Variants in SPAG16 observed in about 807,000 individuals in gnomAD.
SPAG16 encodes sperm associated antigen 16.
Under a neutral mutation model 80.4 loss-of-function variants are expected in SPAG16, and 86 were observed. That is an observed-to-expected ratio of 1.07 (90% CI 0.90 to 1.28). The LOEUF (loss-of-function observed/expected upper bound fraction) is 1.28. SPAG16 is among the 50% of genes most tolerant of loss of function. The pLI is 0.00. For synonymous variants in SPAG16, 294 were observed against 265.9 expected (o/e 1.11, Z -1.03); for missense variants, 870 against 765.3 (o/e 1.14, Z -1.61).
At chr2:213,509,051 C>T (rs2075111047) in intron 10 of SPAG16, among the ~76,000 whole-genome samples, 1 of 151,268 alleles carries the variant, frequency 6.6e-6, no homozygotes, top group African/African-American at 2.4e-5. Context: ...GGCTGGAGTG[C>T]AGTGATGCAA....
At chr2:213,891,284 A>G (rs773047227) in intron 11 of SPAG16, among the ~76,000 whole-genome samples, 3 of 152,118 alleles carry the variant, frequency 2.0e-5, no homozygotes, top group African/African-American at 7.2e-5. Flanking sequence ...TGCATGCTGT[A>G]TAGTCCCAAA....
chr2:213,586,523 G>A lies in SPAG16; in HGVS notation c.1070+96433G>A, dbSNP rs143007118. On this transcript the variant is annotated intron_variant, in intron 10 of 15. Transcript: ENST00000331683. ...AGGACCCAAGCATTCAGACCACAGC[G>A]TTTCACCCCGACACTCTCAAATTCA... Among the ~76,000 whole-genome samples, 272 of 152,216 alleles carry A rather than the reference G, an allele frequency of 1.8e-3. 1 individual carries two copies. Among genetic ancestry groups the A allele is most frequent in the African/African-American group, 6.3e-3 (260 of 41,518 alleles).
intron 11 of SPAG16, among the ~76,000 whole-genome samples, chr2:213,879,284 A>ATGG (rs1575438978): frequency 6.6e-6 from 1 of 151,578 alleles, no homozygotes; most frequent in African/African-American, 2.4e-5. Flanking sequence ...TGCGCATGAG[A>ATGG]TGGTTTTCCA....
At chr2:214,358,361 C>T (rs961380041) in intron 15 of SPAG16, among the ~76,000 whole-genome samples, 2 of 151,916 alleles carry the variant, frequency 1.3e-5, no homozygotes, top group Non-Finnish European at 1.5e-5. Context: ...GCAAACGCCA[C>T]CTTTAGTGAT....
Position 213,335,058 on chromosome 2 carries a change from A to G in SPAG16, c.537-5105A>G, listed in dbSNP as rs928423469. On this transcript the variant is annotated intron_variant, in intron 5 of 15. Transcript: ENST00000331683. ...AAAATATCTCATATACTCCATGAAT[A>G]TATACATCTACTATGTACCCACAAA... Among the ~76,000 whole-genome samples, 13 of 152,222 alleles carry G rather than the reference A, an allele frequency of 8.5e-5. 1 individual carries two copies. Among genetic ancestry groups the G allele is most frequent in the Admixed American group, 3.9e-4 (6 of 15,282 alleles).
intron 9 of SPAG16, among the ~76,000 whole-genome samples, chr2:213,446,773 G>A (rs892081141): frequency 1.1e-4 from 16 of 152,118 alleles, no homozygotes; most frequent in East Asian, 7.7e-4. Flanking sequence ...CTGTTGCCCC[G>A]CTCAACCAGG....
At chr2:213,358,626 T>G (rs1282757340) in intron 7 of SPAG16, among the ~76,000 whole-genome samples, 1 of 152,200 alleles carries the variant, frequency 6.6e-6, no homozygotes, top group Admixed American at 6.5e-5. Flanking sequence ...TAAGGTCTTC[T>G]CTGTACTGTT....
chr2:214,141,137 T>G (rs2055336542), intron 14 of SPAG16, among the ~76,000 whole-genome samples: 1 of 152,160 alleles, frequency 6.6e-6, no homozygotes, highest in Non-Finnish European at 1.5e-5. Flanking sequence ...TTCAGCATTT[T>G]GTCTTTGATT....
chr2:213,698,499 C>T lies in SPAG16; in HGVS notation c.1071-163986C>T, dbSNP rs562023118. Among the ~76,000 whole-genome samples, 9 of 152,246 alleles carry T rather than the reference C, an allele frequency of 5.9e-5. No individual in the cohort carries two copies. In the East Asian group the frequency reaches 1.7e-3, roughly 29 times the overall value. The stretch of plus-strand genomic sequence containing the variant: ...ATGGTATCAAACTCCTGGGTTCAAG[C>T]AATCCGCCTTCCTCAGCCTCCCAAA... On this transcript the variant is annotated intron_variant, in intron 10 of 15. Transcript: ENST00000331683.
At chr2:214,135,148 C>T (rs1444762925) in intron 14 of SPAG16, among the ~76,000 whole-genome samples, 4 of 152,190 alleles carry the variant, frequency 2.6e-5, no homozygotes, top group Non-Finnish European at 5.9e-5. Context: ...ATACCTACTT[C>T]TAGCATTTAA....
intron 9 of SPAG16, among the ~76,000 whole-genome samples, chr2:213,470,106 T>A (rs2072996776): frequency 6.6e-6 from 1 of 152,172 alleles, no homozygotes; most frequent in African/African-American, 2.4e-5. Context: ...AACAGTACCA[T>A]ATATTGGATG....
chr2:213,824,704 G>C (rs563344630), intron 10 of SPAG16, among the ~76,000 whole-genome samples: 10 of 152,020 alleles, frequency 6.6e-5, no homozygotes, highest in Non-Finnish European at 1.5e-5. Flanking sequence ...TTTAGCTCAG[G>C]GTAGTCTTGG....
intron 15 of SPAG16, among the ~76,000 whole-genome samples, chr2:214,262,914 T>G (rs1213632960): frequency 1.3e-5 from 2 of 152,114 alleles, no homozygotes; most frequent in African/African-American, 4.8e-5. Flanking sequence ...ATCATTTTAT[T>G]TTATTTTATT....
chr2:213,775,837 A>G (rs568398235), intron 10 of SPAG16, among the ~76,000 whole-genome samples: 2 of 152,294 alleles, frequency 1.3e-5, no homozygotes, highest in South Asian at 2.1e-4. Flanking sequence ...TGGAAGCTGC[A>G]TTTTTTGGTT....
intron 10 of SPAG16, among the ~76,000 whole-genome samples, chr2:213,777,300 G>C (rs2125570638): frequency 7.4e-6 from 1 of 135,166 alleles, no homozygotes; most frequent in South Asian, 2.4e-4. Flanking sequence ...AGGCTGGAGT[G>C]CAGTGGTGCA....
At chr2:213,423,631 A>G (rs1042333227) in intron 9 of SPAG16, among the ~76,000 whole-genome samples, 2 of 152,254 alleles carry the variant, frequency 1.3e-5, no homozygotes, top group African/African-American at 4.8e-5. Context: ...GTTATTAATC[A>G]TGATGACAAT....
At chr2:213,468,388 T>C in intron 9 of SPAG16, among the ~76,000 whole-genome samples, 1 of 142,688 alleles carries the variant, frequency 7.0e-6, no homozygotes, top group East Asian at 2.0e-4. Flanking sequence ...TATATATAGA[T>C]ATATATATAT....
chr2:214,132,342 T>G lies in SPAG16; in HGVS notation c.1594-16798T>G, dbSNP rs2054822798. ...TGTAATAAAAAGATGATTTTTAATCTAAAATGTCCAATGTGATAGGTGCTA... is the reference window on the plus strand; with the variant it reads ...TGTAATAAAAAGATGATTTTTAATCGAAAATGTCCAATGTGATAGGTGCTA... On this transcript the variant is annotated intron_variant, in intron 14 of 15. Transcript: ENST00000331683. Among the ~76,000 whole-genome samples, 8 of 152,316 alleles carry G rather than the reference T, an allele frequency of 5.3e-5. No homozygotes were observed. In the South Asian group the frequency reaches 1.7e-3, roughly 32 times the overall value.
chr2:213,606,249 T>C (rs1303767272), intron 10 of SPAG16, among the ~76,000 whole-genome samples: 1 of 152,234 alleles, frequency 6.6e-6, no homozygotes, highest in Non-Finnish European at 1.5e-5. Context: ...TGAATAAAGC[T>C]GATGTGCACA....
Sources: allele counts gnomAD v4.1 joint callset (sites outside exome capture counted in the v4.1 genomes callset), GRCh38; gene constraint gnomAD v4.1.1; transcripts MANE v1.5; gene names NCBI Gene and HGNC (gene_info 2026-07-23, HGNC 2026-07-21).